Variants in CTNND2 observed in about 807,000 individuals in gnomAD.
The protein encoded by CTNND2 is catenin delta-2.
In CTNND2, 22 loss-of-function variants were observed where a neutral mutation model predicts 144.4. The ratio of observed to expected loss-of-function variants is 0.15; its 90% CI spans 0.11 to 0.22. The LOEUF is 0.22. CTNND2 is among the 10% of genes least tolerant of loss of function. The pLI is 1.00. For synonymous variants in CTNND2, 751 were observed against 695.6 expected, an observed-to-expected ratio of 1.08 and a Z score of -1.25; for missense variants, 1,353 against 1,618.8, an observed-to-expected ratio of 0.84 and a Z score of 2.82.
chr5:11,206,260 G>C (rs958820708), intron 10 of CTNND2, among the ~76,000 whole-genome samples: 1 of 152,178 alleles, frequency 6.6e-6, no homozygotes, highest in Admixed American at 6.5e-5. Context: ...GAAGTTTTCT[G>C]AGAATGAAGC....
chr5:11,592,729 TG>T (rs536947467), intron 2 of CTNND2, among the ~76,000 whole-genome samples: 1 of 150,956 alleles, frequency 6.6e-6, no homozygotes, highest in Non-Finnish European at 1.5e-5. Flanking sequence ...CATGCTTTTC[TG>T]GGGGGGTAAG....
At chr5:11,579,012 T>G (rs941227092) in intron 2 of CTNND2, among the ~76,000 whole-genome samples, 3 of 152,220 alleles carry the variant, frequency 2.0e-5, no homozygotes, top group Non-Finnish European at 2.9e-5. Context: ...CTTACAATAC[T>G]GCGCATTCAA....
At chr5:11,566,516 A>C (rs1777117069) in intron 2 of CTNND2, among the ~76,000 whole-genome samples, 1 of 152,182 alleles carries the variant, frequency 6.6e-6, no homozygotes, top group Admixed American at 6.5e-5. Flanking sequence ...CTCTCTGTGA[A>C]ACAGGAAACT....
chr5:11,796,968 A>G (rs1791437585), intron 1 of CTNND2, among the ~76,000 whole-genome samples: 1 of 152,224 alleles, frequency 6.6e-6, no homozygotes, highest in South Asian at 2.1e-4. Context: ...GGAATTTTAC[A>G]GAACTATTGT....
intron 1 of CTNND2, among the ~76,000 whole-genome samples, chr5:11,813,300 A>G (rs1792443337): frequency 6.6e-6 from 1 of 152,232 alleles, no homozygotes; most frequent in South Asian, 2.1e-4. Context: ...GAAGTGCCTC[A>G]TGATGCATTT....
chr5:11,367,161 G>A (rs1757063353), intron 7 of CTNND2, among the ~76,000 whole-genome samples: 1 of 152,186 alleles, frequency 6.6e-6, no homozygotes, highest in Non-Finnish European at 1.5e-5. Context: ...TAAGCCTTAT[G>A]CATAGTTCTG....
chr5:11,791,330 G>GTTCA (rs1220620855), intron 1 of CTNND2, among the ~76,000 whole-genome samples: 1 of 152,148 alleles, frequency 6.6e-6, no homozygotes, highest in Non-Finnish European at 1.5e-5. Context: ...TAACTTAGAG[G>GTTCA]TTCAGGTTGT....
intron 1 of CTNND2, among the ~76,000 whole-genome samples, chr5:11,770,867 G>C (rs1251658182): frequency 3.3e-5 from 5 of 152,138 alleles, no homozygotes; most frequent in African/African-American, 1.2e-4. Flanking sequence ...GGTGAGAAGA[G>C]AGACAGAGAC....
chr5:11,108,755 C>T (rs1430075997), intron 14 of CTNND2, among the ~76,000 whole-genome samples: 3 of 152,140 alleles, frequency 2.0e-5, no homozygotes, highest in Admixed American at 6.5e-5. Context: ...ACACCAACAG[C>T]GCCTTGAAGA....
At chr5:11,380,160 G>C (rs1758338653) in intron 7 of CTNND2, among the ~76,000 whole-genome samples, 1 of 152,170 alleles carries the variant, frequency 6.6e-6, no homozygotes. Flanking sequence ...TCTGCGCGGG[G>C]TTTAAAACTG....
At chr5:11,889,083 G>C (rs1435239704) in intron 1 of CTNND2, among the ~76,000 whole-genome samples, 1 of 151,948 alleles carries the variant, frequency 6.6e-6, no homozygotes, top group Non-Finnish European at 1.5e-5. Flanking sequence ...ACCTTTTCAC[G>C]GCATGTACCA....
intron 1 of CTNND2, among the ~76,000 whole-genome samples, chr5:11,884,954 C>A (rs1237520234): frequency 1.3e-5 from 2 of 151,742 alleles, no homozygotes; most frequent in Non-Finnish European, 3.0e-5. Flanking sequence ...ATGTGATGTA[C>A]CATAATTAAT....
rs1765942905 is a variant in CTNND2 at position 11,458,726 on chromosome 5, AT to A, written c.288-46658del. Among the ~76,000 whole-genome samples the A allele has an allele frequency of 7.2e-5, 11 of 152,278 alleles. No homozygotes were observed. The South Asian group carries it at 2.3e-3, about 32-fold the overall frequency. On this transcript the variant is annotated intron_variant, in intron 3 of 21. Coordinates refer to ENST00000304623, the MANE Select transcript of CTNND2 (RefSeq NM_001332.4). ...ATAAGGTACAACTTTAGCAGAGGTTATGGTGCCGGTCTAACTCAAAGATTTG... is the reference window on the plus strand; with the variant it reads ...ATAAGGTACAACTTTAGCAGAGGTTAGGTGCCGGTCTAACTCAAAGATTTG...
chr5:11,732,555 AAAG>A (rs1281084947), intron 1 of CTNND2, among the ~76,000 whole-genome samples: 4 of 152,222 alleles, frequency 2.6e-5, no homozygotes, highest in Non-Finnish European at 5.9e-5. Flanking sequence ...TCAGAAGGAA[AAAG>A]AAGGAGAGAC....
At chr5:11,781,538 A>C (rs980933057) in intron 1 of CTNND2, among the ~76,000 whole-genome samples, 7 of 152,356 alleles carry the variant, frequency 4.6e-5, no homozygotes, top group Admixed American at 4.6e-4. Flanking sequence ...AATTTGAAGA[A>C]TATTTGATAA....
At chr5:11,432,814 C>A (rs537565955) in intron 3 of CTNND2, among the ~76,000 whole-genome samples, 2 of 152,260 alleles carry the variant, frequency 1.3e-5, no homozygotes, top group South Asian at 4.1e-4. Flanking sequence ...TCTTACGTTT[C>A]TCTAAAGGGG....
chr5:11,768,683 T>G (rs1789741348), intron 1 of CTNND2, among the ~76,000 whole-genome samples: 1 of 152,180 alleles, frequency 6.6e-6, no homozygotes, highest in African/African-American at 2.4e-5. Flanking sequence ...CACTGCATCT[T>G]GTGATCACAT....
intron 2 of CTNND2, among the ~76,000 whole-genome samples, chr5:11,572,457 A>C (rs1042517310): frequency 1.3e-5 from 2 of 152,186 alleles, no homozygotes; most frequent in Non-Finnish European, 2.9e-5. Flanking sequence ...GGGCCTTTAC[A>C]GAAGCATTTT....
At chr5:11,220,207 T>C (rs1218126057) in intron 10 of CTNND2, among the ~76,000 whole-genome samples, 2 of 150,610 alleles carry the variant, frequency 1.3e-5, no homozygotes, top group Admixed American at 1.3e-4. Context: ...AAATTTAGAG[T>C]GTGTTTGCAT....
Sources: gnomAD v4.1 joint callset for allele counts (sites outside exome capture counted in the v4.1 genomes callset) on GRCh38, gnomAD v4.1.1 for gene constraint, MANE v1.5 for transcripts, NCBI Gene and HGNC (gene_info 2026-07-23, HGNC 2026-07-21) for gene names.